Variants in TIGD5 observed in about 807,000 individuals in gnomAD.
TIGD5 encodes the protein tigger transposable element derived 5, also known as tigger transposable element-derived protein 5.
In TIGD5, 24 loss-of-function variants were observed where a neutral mutation model predicts 28.8. The ratio of observed to expected loss-of-function variants is 0.83; its 90% CI spans 0.60 to 1.17. The LOEUF (loss-of-function observed/expected upper bound fraction) is 1.17. Among genes scored for constraint, TIGD5 ranks in the 50% most tolerant of loss-of-function variants. The pLI is 0.00. For missense variants in TIGD5, 922 were observed against 911.4 expected (o/e 1.01, Z -0.15); for synonymous variants, 538 against 430.5 (o/e 1.25, Z -3.09).
rs1171151310 is a variant in TIGD5, at chr8:143,599,282, T to TG, written c.1381dup (p.Ala461GlyfsTer14). On this transcript the variant is annotated frameshift_variant, in exon 1 of 1. Transcript: ENST00000504548. LOFTEE classifies it high-confidence loss of function. ...TTCATGCTCAAGGACATGCTCTACC[T>TG]GGCTGGCCTCTCCTGGGACCTGGTG... The TG allele has an allele frequency of 1.9e-6, 3 of 1,610,576 alleles. No individual in the cohort carries two copies.
rs1190773143 is a variant in TIGD5, at chr8:143,599,668, G to A, written c.1765G>A (p.Gly589Arg). Residue 589 changes from glycine (G) to arginine (R), a missense_variant, in exon 1 of 1, where the codon GGG (glycine) becomes AGG (arginine). Gly to Arg is a moderately radical substitution (Grantham distance 125). Coordinates refer to ENST00000504548, the MANE Select transcript of TIGD5 (RefSeq NM_032862.5). Reference protein sequence around the residue: ...DYGGTSVPTAGEAVRGLETAL... With the variant: ...DYGGTSVPTAREAVRGLETAL... ...TGGAGGGACCTCAGTGCCGACTGCC[G>A]GGGAGGCCGTGCGGGGGCTAGAAAC... 3.3e-6 allele frequency: 5 copies of A among 1,518,974 alleles called. No homozygotes were observed. The highest frequency in any genetic ancestry group is 4.4e-6 in the Non-Finnish European group (5 of 1,137,218). The allele number at this position is 1,518,974 out of a possible 1,614,324, so 94.1% of individuals were successfully genotyped here. A position where few individuals can be genotyped will look rare whatever the true frequency, so the allele number is the denominator to read the frequency against.
chr8:143,598,023 C>T lies in TIGD5; in HGVS notation c.120C>T (p.Pro40=). Reference sequence around the variant, plus strand: ...CTGCACGGCCGCCGCCCCCCGCGCCCGGGCCGCGGCCCCGCGTGGCCGTGA... The same window carrying T: ...CTGCACGGCCGCCGCCCCCCGCGCCTGGGCCGCGGCCCCGCGTGGCCGTGA... ...VPAARPPPPA[P]GPRPRVAVKM... is the part of the protein sequence containing the mutation. The change falls in exon 1 of 1, where the codon CCC becomes CCT. Residue 40 remains proline (P), a synonymous_variant. Coordinates refer to ENST00000504548, the MANE Select transcript of TIGD5 (RefSeq NM_032862.5). This position sits in a 1 kb window ranked among gnomAD's most constrained non-coding sequence, Gnocchi z 6.6. 1 of 1,303,132 alleles carries T rather than the reference C, an allele frequency of 7.7e-7. No homozygotes were observed. The highest frequency in any genetic ancestry group is 9.7e-7 in the Non-Finnish European group (1 of 1,027,372). 80.7% of individuals were successfully genotyped at this position (1,303,132 alleles called of 1,614,324 possible). A position where few individuals can be genotyped will look rare whatever the true frequency, so the allele number is the denominator to read the frequency against.
chr8:143,599,143 C>T lies in TIGD5; in HGVS notation c.1240C>T (p.Pro414Ser), dbSNP rs1321313997. ...CAAAGGCAGCAGCCGGGCACATATCCCCGCACCGCTGGAGCAGGGCGTGGT... is the reference window on the plus strand; with the variant it reads ...CAAAGGCAGCAGCCGGGCACATATCTCCGCACCGCTGGAGCAGGGCGTGGT... ...LSKGSSRAHI[P>S]APLEQGVVAA... Residue 414 changes from proline to serine, a missense_variant, in exon 1 of 1, where the codon CCC (proline) becomes TCC (serine). Pro to Ser is a moderately conservative substitution (Grantham distance 74). Transcript: ENST00000504548. 1.3e-6 allele frequency: 2 copies of T among 1,599,674 alleles called. No individual in the cohort carries two copies. The highest frequency in any genetic ancestry group is 1.7e-6 in the Non-Finnish European group (2 of 1,174,208).
chr8:143,599,804 C>T lies in TIGD5; in HGVS notation c.1901C>T (p.Thr634Ile). 6.7e-7 allele frequency: 1 copy of T among 1,483,364 alleles called. No homozygotes were observed. The highest frequency in any genetic ancestry group is 1.4e-5 in the South Asian group (1 of 72,930). The allele number at this position is 1,483,364 out of a possible 1,614,324, so 91.9% of individuals were successfully genotyped here. A position where few individuals can be genotyped will look rare whatever the true frequency, so the allele number is the denominator to read the frequency against. The stretch of plus-strand genomic sequence containing the variant: ...CGGAGGCTGGGGGGCATCGGGCATA[C>T]CCCAGCAGGCCCCTATGACGGTGTG... ...MARRLGGIGH[T>I]PAGPYDGV Residue 634 changes from threonine (T) to isoleucine (I), a missense_variant, in exon 1 of 1, where the codon ACC (threonine) becomes ATC (isoleucine). Thr to Ile is a moderately conservative substitution (Grantham distance 89). This residue lies in a region of TIGD5 where 821 missense variants were observed against 815.2 expected (regional missense o/e 1.01). Transcript: ENST00000504548.
In TIGD5 at chr8:143,598,337, C is replaced by T. The variant is rs756312992; in HGVS notation, c.434C>T (p.Pro145Leu). 5 of 1,604,758 alleles carry T rather than the reference C, an allele frequency of 3.1e-6. No homozygotes were observed. Among genetic ancestry groups the T allele is most frequent in the Non-Finnish European group, 4.2e-6 (5 of 1,177,012 alleles). The change falls in exon 1 of 1, where the codon CCG (proline) becomes CTG (leucine). Residue 145 changes from proline (P) to leucine (L), a missense_variant. This residue lies in a region of TIGD5 where 821 missense variants were observed against 815.2 expected (regional missense o/e 1.01). Coordinates refer to ENST00000504548, the MANE Select transcript of TIGD5 (RefSeq NM_032862.5). This position sits in a 1 kb window ranked among gnomAD's most constrained non-coding sequence, Gnocchi z 6.6. ...LRQHGVPLSG[P>L]LIQAQAEAFA... ...CAGCACGGGGTGCCGCTGTCTGGCC[C>T]GCTCATCCAGGCGCAGGCCGAGGCC...
In TIGD5 at chr8:143,599,433, C is replaced by T; in HGVS notation, c.1530C>T (p.Leu510=). 1 of 1,574,142 alleles carries T rather than the reference C, an allele frequency of 6.4e-7. No homozygotes were observed. Among genetic ancestry groups the T allele is most frequent in the South Asian group, 1.2e-5 (1 of 86,640 alleles). Residue 510 remains leucine, a synonymous_variant, in exon 1 of 1, where the codon CTC becomes CTT. Transcript: ENST00000504548. The part of the protein sequence containing the change: ...AEEAAEHSRV[L]SDLTHLAALA... ...AAGCCGCCGAGCACAGCAGGGTGCT[C>T]AGCGACCTCACCCACCTGGCGGCTC... is the stretch of plus-strand genomic sequence containing the variant.
rs565437968 is a variant in TIGD5, at chr8:143,600,357, T to C, written c.*525T>C. ...TGAGAACAGGGGCCGGGTGGGCTGG[T>C]CTCGGGCCGCCCTGCGGTTTCTCTG... On this transcript the variant is annotated 3_prime_UTR_variant, in exon 1 of 1. Transcript: ENST00000504548. 134 of 152,872 alleles carry C rather than the reference T, an allele frequency of 8.8e-4. 1 individual carries two copies. Among genetic ancestry groups the C allele is most frequent in the Non-Finnish European group, 1.5e-3 (101 of 68,454 alleles). The allele number at this position is 152,872 out of a possible 1,614,324, so 9.5% of individuals were successfully genotyped here.
In TIGD5 at chr8:143,599,490, T is replaced by G. The variant is rs1004963758; in HGVS notation, c.1587T>G (p.Val529=). The G allele has an allele frequency of 1.2e-5, 19 of 1,592,364 alleles. No homozygotes were observed. Among genetic ancestry groups the G allele is most frequent in the Non-Finnish European group, 1.5e-5 (18 of 1,170,412 alleles). ...LAYKCLAPEE[V]AEWLHLDDDG... is the part of the protein sequence containing the mutation. ...ACAAGTGCCTGGCTCCGGAGGAGGT[T>G]GCGGAGTGGCTGCACCTGGACGATG... The change falls in exon 1 of 1, where the codon GTT becomes GTG. Residue 529 remains valine (V), a synonymous_variant. Coordinates refer to ENST00000504548, the MANE Select transcript of TIGD5 (RefSeq NM_032862.5).
chr8:143,601,185 A>G lies in TIGD5; in HGVS notation c.*1353A>G, dbSNP rs963291087. 9 of 152,210 alleles carry G rather than the reference A, an allele frequency of 5.9e-5. No homozygotes were observed. Among genetic ancestry groups the G allele is most frequent in the African/African-American group, 1.9e-4 (8 of 41,438 alleles). 9.4% of individuals were successfully genotyped at this position (152,210 alleles called of 1,614,324 possible). ...CCTTTATACAGGTCCAGGAACAAAC[A>G]GTTCCTTGGAACTGCCCGCAAGTGA... On this transcript the variant is annotated 3_prime_UTR_variant, in exon 1 of 1. Coordinates refer to ENST00000504548, the MANE Select transcript of TIGD5 (RefSeq NM_032862.5).
chr8:143,597,985 G>C lies in TIGD5; in HGVS notation c.82G>C (p.Ala28Pro). Residue 28 changes from alanine (A) to proline (P), a missense_variant, in exon 1 of 1, where the codon GCC becomes CCC. Transcript: ENST00000504548. ...PLPGPPAPAP[A>P]PVPAARPPPP... ...GCCCGGGCCCCCCGCGCCCGCCCCA[G>C]CCCCCGTCCCCGCTGCACGGCCGCC... 1 of 1,040,402 alleles carries C rather than the reference G, an allele frequency of 9.6e-7. No homozygotes were observed. Among genetic ancestry groups the C allele is most frequent in the Non-Finnish European group, 1.2e-6 (1 of 843,904 alleles). The allele number at this position is 1,040,402 out of a possible 1,614,324, so 64.4% of individuals were successfully genotyped here. A position where few individuals can be genotyped will look rare whatever the true frequency, so the allele number is the denominator to read the frequency against.
Position 143,599,697 on chromosome 8 carries a change from T to C in TIGD5, c.1794T>C (p.Ala598=). ...AGGCCGTGCGGGGGCTAGAAACAGC[T>C]CTGCGGTGGCTGGAGAACCAGGACC... ...AGEAVRGLET[A]LRWLENQDPR... Residue 598 remains alanine (A), a synonymous_variant, in exon 1 of 1, where the codon GCT becomes GCC. Transcript: ENST00000504548. 2.0e-6 allele frequency: 3 copies of C among 1,513,766 alleles called. No individual in the cohort carries two copies. The highest frequency in any genetic ancestry group is 2.6e-6 in the Non-Finnish European group (3 of 1,136,692). The allele number at this position is 1,513,766 out of a possible 1,614,324, so 93.8% of individuals were successfully genotyped here.
Position 143,598,884 on chromosome 8 carries a change from G to C in TIGD5, c.981G>C (p.Leu327=), listed in dbSNP as rs558728171. The C allele has an allele frequency of 6.3e-7, 1 of 1,599,080 alleles. No individual in the cohort carries two copies. The highest frequency in any genetic ancestry group is 1.1e-5 in the South Asian group (1 of 90,884). The change falls in exon 1 of 1, where the codon CTG becomes CTC. Residue 327 remains leucine, a synonymous_variant. Transcript: ENST00000504548. The surrounding 1 kb of genome is among the most constrained non-coding windows in gnomAD (Gnocchi z 6.6). ...CCGACGCCTGGCTCAGCCGCCCGCT[G>C]CTGCGGGGCTGGTTCTTTGAGGAAT... ...YSPDAWLSRP[L]LRGWFFEEFV...
rs1170001433 is a variant in TIGD5 at position 143,597,894 on chromosome 8, C to T, written c.-10C>T. Reference sequence around the variant, plus strand: ...CGACCCGCGCGGCCCGGGTCCCCCCCGCCGCAGCCATGTACCCCGCGGGCC... The same window carrying T: ...CGACCCGCGCGGCCCGGGTCCCCCCTGCCGCAGCCATGTACCCCGCGGGCC... On this transcript the variant is annotated 5_prime_UTR_variant, in exon 1 of 1. Transcript: ENST00000504548. 2 of 860,190 alleles carry T rather than the reference C, an allele frequency of 2.3e-6. No homozygotes were observed. The highest frequency in any genetic ancestry group is 1.4e-6 in the Non-Finnish European group (1 of 718,254). The allele number at this position is 860,190 out of a possible 1,614,324, so 53.3% of individuals were successfully genotyped here.
At position 143,598,312 on chromosome 8, in the gene TIGD5, C is replaced by A; in HGVS notation, c.409C>A (p.Gln137Lys). The change falls in exon 1 of 1, where the codon CAG becomes AAG. Residue 137 changes from glutamine (Q) to lysine (K), a missense_variant. By Grantham distance (53) the Gln-to-Lys change is moderately conservative. Transcript: ENST00000504548. This position sits in a 1 kb window ranked among gnomAD's most constrained non-coding sequence, Gnocchi z 6.6. ...GTACGCCTGGTTCCTGGCGCTGCGC[C>A]AGCACGGGGTGCCGCTGTCTGGCCC... Reference protein sequence around the residue: ...AVYAWFLALRQHGVPLSGPLI... With the variant: ...AVYAWFLALRKHGVPLSGPLI... 1 of 1,608,872 alleles carries A rather than the reference C, an allele frequency of 6.2e-7. No homozygotes were observed.
chr8:143,598,164 G>A lies in TIGD5; in HGVS notation c.261G>A (p.Thr87=), dbSNP rs1423193838. 6.3e-6 allele frequency: 10 copies of A among 1,596,614 alleles called. No individual in the cohort carries two copies. The Admixed American group carries it at 1.5e-4, about 24-fold the overall frequency. Residue 87 remains threonine, a synonymous_variant, in exon 1 of 1, where the codon ACG becomes ACA. Coordinates refer to ENST00000504548, the MANE Select transcript of TIGD5 (RefSeq NM_032862.5). This position sits in a 1 kb window ranked among gnomAD's most constrained non-coding sequence, Gnocchi z 6.6. ...VCRDFGVPGG[T]LRGWLKDEPK... ...GCGACTTCGGCGTGCCGGGCGGGAC[G>A]CTGCGCGGCTGGCTCAAGGACGAGC...
At position 143,600,227 on chromosome 8, in the gene TIGD5, C is replaced by A; in HGVS notation, c.*395C>A. 1 of 230,242 alleles carries A rather than the reference C, an allele frequency of 4.3e-6. No individual in the cohort carries two copies. Among genetic ancestry groups the A allele is most frequent in the East Asian group, 8.2e-5 (1 of 12,182 alleles). The allele number at this position is 230,242 out of a possible 1,614,324, so 14.3% of individuals were successfully genotyped here. A position where few individuals can be genotyped will look rare whatever the true frequency, so the allele number is the denominator to read the frequency against. On this transcript the variant is annotated 3_prime_UTR_variant, in exon 1 of 1. Transcript: ENST00000504548. ...GCTATCGAGCCCTGGTGCTATGTGG[C>A]CCCGGAGCCACAGCACAATCATCTC...
At position 143,599,860 on chromosome 8, in the gene TIGD5, G is replaced by A; in HGVS notation, c.*28G>A. On this transcript the variant is annotated 3_prime_UTR_variant, in exon 1 of 1. Coordinates refer to ENST00000504548, the MANE Select transcript of TIGD5 (RefSeq NM_032862.5). ...AGGCCAGCCCAGTGACCTTTCTCCT[G>A]CTGCACTTGGAGGGAGGGGACATAC... 2 of 1,446,020 alleles carry A rather than the reference G, an allele frequency of 1.4e-6. No homozygotes were observed. Among genetic ancestry groups the A allele is most frequent in the South Asian group, 1.6e-5 (1 of 63,682 alleles). 89.6% of individuals were successfully genotyped at this position (1,446,020 alleles called of 1,614,324 possible). A position where few individuals can be genotyped will look rare whatever the true frequency, so the allele number is the denominator to read the frequency against.
rs1465251748 is a variant in TIGD5, at chr8:143,602,154, G to C, written c.*2322G>C. The C allele has an allele frequency of 1.3e-5, 2 of 150,414 alleles. No homozygotes were observed. Among genetic ancestry groups the C allele is most frequent in the Admixed American group, 1.3e-4 (2 of 15,110 alleles). The allele number at this position is 150,414 out of a possible 1,614,324, so 9.3% of individuals were successfully genotyped here. Reference sequence around the variant, plus strand: ...GGTGGGGACATTAGGAGCCTGTCAAGAGTGGGTCTGCCTGCTGGCACTTAC... The same window carrying C: ...GGTGGGGACATTAGGAGCCTGTCAACAGTGGGTCTGCCTGCTGGCACTTAC... On this transcript the variant is annotated 3_prime_UTR_variant, in exon 1 of 1. Coordinates refer to ENST00000504548, the MANE Select transcript of TIGD5 (RefSeq NM_032862.5).
In TIGD5 at chr8:143,599,209, CTGGCTGTGTCCTGCGCCAG is replaced by C; in HGVS notation, c.1307_1325del (p.Leu436ProfsTer154). The C allele has an allele frequency of 1.2e-6, 2 of 1,611,424 alleles. No individual in the cohort carries two copies. The highest frequency in any genetic ancestry group is 1.7e-6 in the Non-Finnish European group (2 of 1,179,648). On this transcript the variant is annotated frameshift_variant, in exon 1 of 1. Transcript: ENST00000504548. LOFTEE classifies it high-confidence loss of function. ...GCTGTACAAGCGCGAGCTGCTGCGA[CTGGCTGTGTCCTGCGCCAG>C]CGGCTCCCCGCTGGACTTCATGCGC... is the stretch of plus-strand genomic sequence containing the variant.
Sources: allele counts gnomAD v4.1 joint callset, GRCh38; gene constraint gnomAD v4.1.1; regional missense constraint gnomAD v4.1.1; non-coding constraint Gnocchi (gnomAD v3.1); transcripts MANE v1.5; gene names NCBI Gene and HGNC (gene_info 2026-07-23, HGNC 2026-07-21).